MGLL: variants seen among roughly 807,000 people sequenced by gnomAD.
MGLL encodes the protein lysophospholipase homolog.
Under a neutral mutation model 29.1 loss-of-function variants are expected in MGLL, and 7 were observed. The observed-to-expected ratio is 0.24, with a 90% CI of 0.14 to 0.45. The LOEUF (loss-of-function observed/expected upper bound fraction) is 0.45, where lower values mean the gene tolerates loss of function less well. Among genes scored for constraint, MGLL ranks in the 20% least tolerant of loss-of-function variants. The pLI is 0.99. For missense variants in MGLL, 356 were observed against 413.6 expected (o/e 0.86, Z 1.21); for synonymous variants, 148 against 168.3 (o/e 0.88, Z 0.93).
intron 3 of MGLL, among the ~76,000 whole-genome samples, chr3:127,738,117 T>C (rs1168642636): frequency 1.3e-5 from 2 of 151,750 alleles, no homozygotes; most frequent in African/African-American, 2.4e-5. Flanking sequence ...CTGGACAACA[T>C]GGTGAAACCC....
chr3:127,695,253 A>AT, intron 6 of MGLL, 63 bp from the exon 7 acceptor site: 2 of 1,506,738 alleles, frequency 1.3e-6, no homozygotes. Context: ...AGCCAGGCCT[A>AT]TTTCCTGGTA....
intron 3 of MGLL, 88 bp downstream of exon 3, chr3:127,781,701 A>G: frequency 8.6e-7 from 1 of 1,168,464 alleles, no homozygotes; most frequent in Non-Finnish European, 1.3e-6. Flanking sequence ...AAGAATTGAG[A>G]AGGATGCTGG....
intron 5 of MGLL, chr3:127,712,125 G>A (rs75943257): frequency 0.01 from 1,539 of 152,382 alleles, 10 homozygotes; most frequent in Non-Finnish European, 0.017. Context: ...GAGGGGCCCC[G>A]GGCTGGGGGG....
At chr3:127,778,547 T>A (rs2077072955) in intron 3 of MGLL, among the ~76,000 whole-genome samples, 1 of 152,202 alleles carries the variant, frequency 6.6e-6, no homozygotes, top group South Asian at 2.1e-4. Context: ...GCCCTTCTGC[T>A]GTCTGGGATG....
chr3:127,771,686 G>A (rs990156983), intron 3 of MGLL, among the ~76,000 whole-genome samples: 4 of 152,196 alleles, frequency 2.6e-5, no homozygotes, highest in African/African-American at 9.7e-5. Context: ...GTTTTCATCT[G>A]CCTTAGGAAG....
rs569447065 is a variant in MGLL at position 127,708,877 on chromosome 3, A to T, written c.600+1699T>A. 7.2e-5 allele frequency among the ~76,000 whole-genome samples: 11 copies of T among 152,350 alleles called. No homozygotes were observed. The East Asian group carries it at 1.7e-3, about 24-fold the overall frequency. Reference sequence around the variant, plus strand: ...ATGGCCATGGGCTGCGTGGACCAGCAATCAATTGTAAAACAGGAAACAGAG... The same window carrying T: ...ATGGCCATGGGCTGCGTGGACCAGCTATCAATTGTAAAACAGGAAACAGAG... On this transcript the variant is annotated intron_variant, in intron 6 of 7. Coordinates refer to ENST00000265052, the MANE Select transcript of MGLL (RefSeq NM_007283.7).
intron 2 of MGLL, among the ~76,000 whole-genome samples, chr3:127,817,817 G>C (rs1489557794): frequency 6.6e-6 from 1 of 152,222 alleles, no homozygotes; most frequent in Non-Finnish European, 1.5e-5. Flanking sequence ...GAATACAAAG[G>C]TGCTAAATAT....
rs994081747 is a variant in MGLL at position 127,720,976 on chromosome 3, A to G, written c.510+77T>C. On this transcript the variant is annotated intron_variant, in intron 5 of 7. Transcript: ENST00000265052. ...CAAGGATGGCCTTTGGTCTTTTTAC[A>G]TAGACTCAGGCTACAAATGGAAGAC... 3.7e-5 allele frequency: 48 copies of G among 1,308,486 alleles called. No individual in the cohort carries two copies. The African/African-American group carries it at 6.0e-4, about 16-fold the overall frequency. 81.1% of individuals were successfully genotyped at this position (1,308,486 alleles called of 1,614,324 possible).
At chr3:127,720,987 C>G in intron 5 of MGLL, 66 bp downstream of exon 5, 1 of 1,382,028 alleles carries the variant, frequency 7.2e-7, no homozygotes, top group Non-Finnish European at 1.0e-6. Flanking sequence ...TAGACTCAGG[C>G]TACAAATGGA....
At chr3:127,775,676 T>C (rs1251331603) in intron 3 of MGLL, among the ~76,000 whole-genome samples, 1 of 152,254 alleles carries the variant, frequency 6.6e-6, no homozygotes, top group African/African-American at 2.4e-5. Flanking sequence ...TGAGGATGGT[T>C]CGTTTATACT....
At chr3:127,810,011 T>C (rs2077634108) in intron 2 of MGLL, among the ~76,000 whole-genome samples, 1 of 151,202 alleles carries the variant, frequency 6.6e-6, no homozygotes, top group African/African-American at 2.5e-5. Flanking sequence ...GACTAGACTG[T>C]AAACAATTAC....
Position 127,800,004 on chromosome 3 carries a change from C to T in MGLL, c.156-18109G>A, listed in dbSNP as rs1228532922. 5.9e-5 allele frequency among the ~76,000 whole-genome samples: 9 copies of T among 152,298 alleles called. 2 individuals carry two copies. The highest frequency in any genetic ancestry group is 5.2e-4 in the Admixed American group (8 of 15,294). ...AGACTTCCCTGCAGCTAGGTGTGGC[C>T]GTATGACTAAGTTATGCCAATAGAA... On this transcript the variant is annotated intron_variant, in intron 2 of 7. Coordinates refer to ENST00000265052, the MANE Select transcript of MGLL (RefSeq NM_007283.7).
intron 7 of MGLL, among the ~76,000 whole-genome samples, chr3:127,693,136 C>T (rs2075279380): frequency 6.6e-6 from 1 of 152,218 alleles, no homozygotes; most frequent in South Asian, 2.1e-4. Context: ...TCCAGGTGGA[C>T]TCCAGCCGTT....
At chr3:127,709,726 A>C (rs1576485165) in intron 6 of MGLL, among the ~76,000 whole-genome samples, 1 of 152,270 alleles carries the variant, frequency 6.6e-6, no homozygotes, top group South Asian at 2.1e-4. Context: ...TTATTTGCTT[A>C]ATCATGAAGA....
At chr3:127,813,359 T>A (rs2077698145) in intron 2 of MGLL, among the ~76,000 whole-genome samples, 1 of 152,158 alleles carries the variant, frequency 6.6e-6, no homozygotes, top group Admixed American at 6.5e-5. Flanking sequence ...CTGAGGTCCA[T>A]CTGCACTTAT....
At chr3:127,736,639 G>A (rs2076247273) in intron 3 of MGLL, among the ~76,000 whole-genome samples, 1 of 152,204 alleles carries the variant, frequency 6.6e-6, no homozygotes, top group African/African-American at 2.4e-5. Context: ...CGGTATGCCT[G>A]GCCCCATGCC....
intron 3 of MGLL, among the ~76,000 whole-genome samples, chr3:127,757,317 T>C (rs1185729054): frequency 6.6e-6 from 1 of 151,684 alleles, no homozygotes; most frequent in Non-Finnish European, 1.5e-5. Context: ...GTATTTGTTA[T>C]GCAGCATTAT....
Position 127,761,655 on chromosome 3 carries a change from A to C in MGLL, c.262+20134T>G, listed in dbSNP as rs9860402. ...GGGTTTCCTCTTTTGGCTGGTGAGG[A>C]CACGGAGGCACAGAGAGGGCTGGCG... On this transcript the variant is annotated intron_variant, in intron 3 of 7. Coordinates refer to ENST00000265052, the MANE Select transcript of MGLL (RefSeq NM_007283.7). This position sits in a 1 kb window ranked among gnomAD's most constrained non-coding sequence, Gnocchi z 4.6. 0.035 allele frequency among the ~76,000 whole-genome samples: 5,276 copies of C among 152,298 alleles called. 301 individuals carry two copies. The highest frequency in any genetic ancestry group is 0.12 in the African/African-American group (4,939 of 41,544).
chr3:127,698,127 G>A (rs2107586231), intron 6 of MGLL, among the ~76,000 whole-genome samples: 1 of 152,274 alleles, frequency 6.6e-6, no homozygotes, highest in East Asian at 1.9e-4. Context: ...TTACACAATG[G>A]CCTATTCTGG....
Sources: allele counts gnomAD v4.1 joint callset (sites outside exome capture counted in the v4.1 genomes callset), GRCh38; gene constraint gnomAD v4.1.1; non-coding constraint Gnocchi (gnomAD v3.1); transcripts MANE v1.5; gene names NCBI Gene and HGNC (gene_info 2026-07-23, HGNC 2026-07-21).